The following NCALD variants were observed in gnomAD, a reference collection of about 807,000 sequenced individuals.
NCALD encodes the protein neurocalcin delta.
NCALD carries 10 observed loss-of-function variants against 18.6 expected under a neutral mutation model. That is an observed-to-expected ratio of 0.54 (90% CI 0.33 to 0.91). The LOEUF (loss-of-function observed/expected upper bound fraction) is 0.91, where lower values mean the gene tolerates loss of function less well. Ranked by LOEUF, NCALD falls within the 40% of genes least tolerant of loss-of-function variation. The pLI is 0.03. For missense variants in NCALD, 184 were observed against 247.6 expected (o/e 0.74, Z 1.72); for synonymous variants, 88 against 87.4 (o/e 1.01, Z -0.04).
chr8:101,773,665 C>T (rs1347739722), intron 1 of NCALD, among the ~76,000 whole-genome samples: 1 of 152,190 alleles, frequency 6.6e-6, no homozygotes, highest in Non-Finnish European at 1.5e-5. Flanking sequence ...GAGGCCCCAG[C>T]AGTGGCATTT....
chr8:101,782,990 T>G (rs2130966128), intron 1 of NCALD, among the ~76,000 whole-genome samples: 1 of 152,318 alleles, frequency 6.6e-6, no homozygotes, highest in South Asian at 2.1e-4. Context: ...CCTACTTAGC[T>G]GAAATATCTT....
intron 2 of NCALD, chr8:101,694,405 A>G (rs1448807179): frequency 1.3e-5 from 2 of 152,190 alleles, no homozygotes; most frequent in Middle Eastern, 3.2e-3. Context: ...TGGATAAGGT[A>G]GGGTAAGTAC....
Position 101,719,506 on chromosome 8 carries a change from G to A in NCALD, c.124C>T (p.His42Tyr). The change falls in exon 2 of 4, where the codon CAT becomes TAT. Residue 42 changes from histidine (H) to tyrosine (Y), a missense_variant. Physicochemically the swap from His to Tyr is moderately conservative, Grantham distance 83. Transcript: ENST00000220931. ...KGFLRDCPSG[H>Y]LSMEEFKKIY... Reference sequence around the variant, plus strand: ...TTCTTAAACTCTTCCATTGACAAATGTCCACTGGGGCAGTCTCTCAAGAAG... The same window carrying A: ...TTCTTAAACTCTTCCATTGACAAATATCCACTGGGGCAGTCTCTCAAGAAG... 6 of 1,614,178 alleles carry A rather than the reference G, an allele frequency of 3.7e-6. No homozygotes were observed. In the East Asian group the frequency reaches 8.9e-5, roughly 24 times the overall value.
At position 101,692,886 on chromosome 8, in the gene NCALD, T is replaced by C; in HGVS notation, c.389A>G (p.Lys130Arg). 1 of 1,613,108 alleles carries C rather than the reference T, an allele frequency of 6.2e-7. No individual in the cohort carries two copies. The highest frequency in any genetic ancestry group is 8.5e-7 in the Non-Finnish European group (1 of 1,179,122). Residue 130 changes from lysine (K) to arginine (R), a missense_variant, in exon 3 of 4, where the codon AAG becomes AGG. Physicochemically the swap from Lys to Arg is conservative, Grantham distance 26. Coordinates refer to ENST00000220931, the MANE Select transcript of NCALD (RefSeq NM_032041.3). ...EMLEIVQAIYKMVSSVMKMPE... is the reference protein window; with the variant it reads ...EMLEIVQAIYRMVSSVMKMPE... ...CATTTTCATTACAGAGGAAACCATCTTATAGATTGCCTGGGGACAGAAGCG... is the reference window on the plus strand; with the variant it reads ...CATTTTCATTACAGAGGAAACCATCCTATAGATTGCCTGGGGACAGAAGCG...
chr8:101,929,673 G>GAGGGAGGGAGGGAAGGAGGC (rs1302855603), intron 2 of NCALD, among the ~76,000 whole-genome samples: 1 of 134,556 alleles, frequency 7.4e-6, no homozygotes, highest in African/African-American at 2.8e-5. Flanking sequence ...GGAAAGGAAG[G>GAGGGAGGGAGGGAAGGAGGC]AGGGAGGGAG....
chr8:101,851,565 G>A (rs1183518186), intron 4 of NCALD, among the ~76,000 whole-genome samples: 1 of 152,018 alleles, frequency 6.6e-6, no homozygotes, highest in Non-Finnish European at 1.5e-5. Flanking sequence ...ACAATGTTAA[G>A]GTTATGAATA....
At chr8:101,804,490 AATTAATATAATT>A (rs1813003133) in intron 4 of NCALD, among the ~76,000 whole-genome samples, 1 of 113,046 alleles carries the variant, frequency 8.8e-6, no homozygotes, top group African/African-American at 5.8e-5. Context: ...TATAATATAT[AATTAATATAATT>A]AATTATATAA....
chr8:101,958,065 G>C (rs750440903), intron 2 of NCALD, among the ~76,000 whole-genome samples: 3 of 152,196 alleles, frequency 2.0e-5, no homozygotes, highest in Admixed American at 2.0e-4. Flanking sequence ...TCCCACCTGG[G>C]GCATCCTTCA....
intron 1 of NCALD, among the ~76,000 whole-genome samples, chr8:101,770,602 G>A (rs940955066): frequency 6.6e-6 from 1 of 152,174 alleles, no homozygotes; most frequent in Non-Finnish European, 1.5e-5. Context: ...AAGTTAGAGC[G>A]AGTGGCTTGT....
At chr8:101,979,465 G>T (rs895503251) in intron 2 of NCALD, among the ~76,000 whole-genome samples, 1 of 152,178 alleles carries the variant, frequency 6.6e-6, no homozygotes, top group Non-Finnish European at 1.5e-5. Context: ...GGAAATAAGT[G>T]CTATGCAGAG....
chr8:102,004,105 G>A (rs950453748), intron 2 of NCALD, among the ~76,000 whole-genome samples: 74 of 151,438 alleles, frequency 4.9e-4, no homozygotes, highest in Non-Finnish European at 8.7e-4. Context: ...GTTTGCAGAC[G>A]ACATGATTGT....
chr8:101,996,115 T>G (rs184217050), intron 2 of NCALD, among the ~76,000 whole-genome samples: 114 of 152,342 alleles, frequency 7.5e-4, no homozygotes, highest in Non-Finnish European at 9.3e-4. Context: ...TGCCTGGTAC[T>G]AAGCAGGCAT....
At chr8:101,843,465 C>A (rs1586616900) in intron 4 of NCALD, among the ~76,000 whole-genome samples, 1 of 150,126 alleles carries the variant, frequency 6.7e-6, no homozygotes, top group South Asian at 2.1e-4. Context: ...CACACACACA[C>A]AACTAAACTA....
rs1365656643 is a variant in NCALD, at chr8:101,687,546, C to T, written c.*1763G>A. ...ACCATACAAATTTGGATTTCTGCTG[C>T]CAATTACAGCAGACTCAAGTCATAT... On this transcript the variant is annotated 3_prime_UTR_variant, in exon 4 of 4. Coordinates refer to ENST00000220931, the MANE Select transcript of NCALD (RefSeq NM_032041.3). 6.6e-6 allele frequency: 1 copy of T among 152,520 alleles called. No homozygotes were observed. Among genetic ancestry groups the T allele is most frequent in the African/African-American group, 2.4e-5 (1 of 41,442 alleles). The allele number at this position is 152,520 out of a possible 1,614,324, so 9.4% of individuals were successfully genotyped here.
chr8:101,772,608 A>G (rs1811630412), intron 1 of NCALD, among the ~76,000 whole-genome samples: 2 of 152,192 alleles, frequency 1.3e-5, no homozygotes, highest in South Asian at 4.1e-4. Flanking sequence ...ACTTGGCTCC[A>G]TAATTTCAGG....
At chr8:102,066,107 G>A (rs781522485) in intron 1 of NCALD, among the ~76,000 whole-genome samples, 32 of 152,106 alleles carry the variant, frequency 2.1e-4, no homozygotes, top group Non-Finnish European at 4.4e-4. Flanking sequence ...CCACTTCCCC[G>A]GAAGGTGAGG....
At chr8:101,699,578 G>A (rs1369263350) in intron 2 of NCALD, among the ~76,000 whole-genome samples, 1 of 152,188 alleles carries the variant, frequency 6.6e-6, no homozygotes, top group Non-Finnish European at 1.5e-5. Context: ...ATACTATGCA[G>A]CTATAAAAAG....
In NCALD at chr8:101,688,895, G is replaced by C. The variant is rs113916818; in HGVS notation, c.*414C>G. On this transcript the variant is annotated 3_prime_UTR_variant, in exon 4 of 4. Transcript: ENST00000220931. ...GTGCCATCCATCACCCCTACGGCACGTGTGACAACAGATTCAGGTGGGGAG... is the reference window on the plus strand; with the variant it reads ...GTGCCATCCATCACCCCTACGGCACCTGTGACAACAGATTCAGGTGGGGAG... The C allele has an allele frequency of 6.4e-6, 4 of 625,304 alleles. No individual in the cohort carries two copies. The highest frequency in any genetic ancestry group is 1.1e-5 in the Non-Finnish European group (4 of 351,382). The allele number at this position is 625,304 out of a possible 1,614,324, so 38.7% of individuals were successfully genotyped here. A position where few individuals can be genotyped will look rare whatever the true frequency, so the allele number is the denominator to read the frequency against.
At chr8:101,911,324 T>A (rs138979112) in intron 3 of NCALD, among the ~76,000 whole-genome samples, 1 of 150,712 alleles carries the variant, frequency 6.6e-6, no homozygotes, top group Non-Finnish European at 1.5e-5. Flanking sequence ...CAGGAAATCC[T>A]TCCTCTTATG....
Sources: allele counts gnomAD v4.1 joint callset (sites outside exome capture counted in the v4.1 genomes callset), GRCh38; gene constraint gnomAD v4.1.1; transcripts MANE v1.5; gene names NCBI Gene and HGNC (gene_info 2026-07-23, HGNC 2026-07-21).